PWWP3A: variants seen among roughly 807,000 people sequenced by gnomAD.
PWWP3A encodes PWWP domain-containing DNA repair factor 3A.
PWWP3A carries 53 observed loss-of-function variants against 79.0 expected under a neutral mutation model. The ratio of observed to expected loss-of-function variants is 0.67; its 90% CI spans 0.54 to 0.84. The LOEUF (loss-of-function observed/expected upper bound fraction) is 0.84, where lower values mean the gene tolerates loss of function less well. Ranked by LOEUF, PWWP3A falls within the 40% of genes least tolerant of loss-of-function variation. PWWP3A has a pLI of 0.00. For missense variants in PWWP3A, 973 were observed against 948.0 expected (o/e 1.03, Z -0.35); for synonymous variants, 443 against 394.4 (o/e 1.12, Z -1.46).
rs1238649672 is a variant in PWWP3A at position 1,368,250 on chromosome 19, T to C, written c.1423-1015T>C. Among the ~76,000 whole-genome samples the C allele has an allele frequency of 6.6e-6, 1 of 151,990 alleles. No homozygotes were observed. Among genetic ancestry groups the C allele is most frequent in the Non-Finnish European group, 1.5e-5 (1 of 68,004 alleles). ...AACTGAGTTACTTTCTAAAAATGGA[T>C]GAAGGTGTGGGGTGAGGAGAAGAGC... is the stretch of plus-strand genomic sequence containing the variant. On this transcript the variant is annotated intron_variant, in intron 9 of 13. Transcript: ENST00000591337. The surrounding 1 kb of genome is among the most constrained non-coding windows in gnomAD (Gnocchi z 4.7).
At chr19:1,356,271 G>A (rs1458733995) in intron 1 of PWWP3A, 53 bp from the exon 2 acceptor site, 17 of 955,642 alleles carry the variant, frequency 1.8e-5, no homozygotes, top group Non-Finnish European at 2.5e-5. Flanking sequence ...CTGTGTCTGC[G>A]TTAACATCGC....
chr19:1,365,028 G>A (rs1331792174), intron 7 of PWWP3A, among the ~76,000 whole-genome samples: 1 of 152,218 alleles, frequency 6.6e-6, no homozygotes, highest in Non-Finnish European at 1.5e-5. Context: ...GCTGAGGCAG[G>A]AGAATGGCGT....
At chr19:1,371,473 GA>G in intron 12 of PWWP3A, 1 of 688,458 alleles carries the variant, frequency 1.5e-6, no homozygotes, top group South Asian at 1.5e-5. Context: ...ACTGTAAGTT[GA>G]AAAACTGTAA....
At chr19:1,362,168 C>A in intron 5 of PWWP3A, 82 bp from the exon 6 acceptor site, 2 of 1,164,614 alleles carry the variant, frequency 1.7e-6, no homozygotes, top group South Asian at 2.9e-5. Context: ...CATCGATGGT[C>A]ATGTGTCATG....
intron 13 of PWWP3A, among the ~76,000 whole-genome samples, chr19:1,376,240 C>T (rs1302727319): frequency 6.6e-6 from 1 of 150,436 alleles, no homozygotes; most frequent in Non-Finnish European, 1.5e-5. Flanking sequence ...ATTCTCCTAC[C>T]TCAGCCTCCT....
Position 1,362,070 on chromosome 19 carries a change from T to C in PWWP3A, c.1112-180T>C, listed in dbSNP as rs187251527. ...CTCCTTCCCTCCTTCCCTCTTGCGT[T>C]TTTCTTTAAAATGTAGTTTATTAGA... On this transcript the variant is annotated intron_variant, in intron 5 of 13. Coordinates refer to ENST00000591337, the MANE Select transcript of PWWP3A (RefSeq NM_001369789.1). 41 of 440,404 alleles carry C rather than the reference T, an allele frequency of 9.3e-5. No individual in the cohort carries two copies. The East Asian group carries it at 1.4e-3, about 15-fold the overall frequency. 27.3% of individuals were successfully genotyped at this position (440,404 alleles called of 1,614,324 possible).
rs1207958544 is a variant in PWWP3A, at chr19:1,370,827, A to G, written c.1735A>G (p.Ile579Val). The G allele has an allele frequency of 6.4e-7, 1 of 1,572,742 alleles. No homozygotes were observed. Among genetic ancestry groups the G allele is most frequent in the Non-Finnish European group, 8.6e-7 (1 of 1,159,276 alleles). Reference sequence around the variant, plus strand: ...GGCCAACCAGAAGCTGGTGGAGTACATTGTGAAGGCCAAGGGCGCGGAGAG... The same window carrying G: ...GGCCAACCAGAAGCTGGTGGAGTACGTTGTGAAGGCCAAGGGCGCGGAGAG... The part of the protein sequence containing the change: ...DRANQKLVEY[I>V]VKAKGAESHL... The change falls in exon 12 of 14, where the codon ATT becomes GTT. Residue 579 changes from isoleucine (I) to valine (V), a missense_variant. Ile to Val is a conservative substitution (Grantham distance 29, BLOSUM62 3). Coordinates refer to ENST00000591337, the MANE Select transcript of PWWP3A (RefSeq NM_001369789.1).
Position 1,360,037 on chromosome 19 carries a change from A to C in PWWP3A, c.215-99A>C. 1 of 1,231,964 alleles carries C rather than the reference A, an allele frequency of 8.1e-7. No individual in the cohort carries two copies. The highest frequency in any genetic ancestry group is 1.1e-6 in the Non-Finnish European group (1 of 924,508). The allele number at this position is 1,231,964 out of a possible 1,614,324, so 76.3% of individuals were successfully genotyped here. ...CCTTCAGTGATTTAGGTATGAAACT[A>C]GCCGTCAGAATGAGACAAGCGAGCT... On this transcript the variant is annotated intron_variant, in intron 4 of 13. Transcript: ENST00000591337. This position sits in a 1 kb window ranked among gnomAD's most constrained non-coding sequence, Gnocchi z 4.4.
chr19:1,370,208 C>G (rs536637402), intron 11 of PWWP3A, among the ~76,000 whole-genome samples: 57 of 152,318 alleles, frequency 3.7e-4, no homozygotes, highest in African/African-American at 1.3e-3. Context: ...TGCACTCCAG[C>G]CTGGGTGACA....
Position 1,370,994 on chromosome 19 carries a change from C to T in PWWP3A, c.1902C>T (p.Gly634=), listed in dbSNP as rs202139634. 7.7e-6 allele frequency: 12 copies of T among 1,568,190 alleles called. No homozygotes were observed. Among genetic ancestry groups the T allele is most frequent in the East Asian group, 7.1e-5 (3 of 42,386 alleles). Residue 634 remains glycine (G), a synonymous_variant, in exon 12 of 14, where the codon GGC becomes GGT. Transcript: ENST00000591337. ...ACCTGGTGGTGAAGTACCTGCAGGGCGTCTACCAGGAGGTGGGGGCCAAGG... is the reference window on the plus strand; with the variant it reads ...ACCTGGTGGTGAAGTACCTGCAGGGTGTCTACCAGGAGGTGGGGGCCAAGG... ...QLDLVVKYLQ[G]VYQEVGAKVL...
chr19:1,374,859 A>C (rs1025642540), intron 13 of PWWP3A, among the ~76,000 whole-genome samples: 6 of 152,086 alleles, frequency 3.9e-5, no homozygotes, highest in Non-Finnish European at 8.8e-5. Flanking sequence ...GTGAGCCATC[A>C]TTATGCCACT....
chr19:1,355,995 TA>T (rs2081853298), intron 1 of PWWP3A, among the ~76,000 whole-genome samples: 1 of 152,164 alleles, frequency 6.6e-6, no homozygotes, highest in Non-Finnish European at 1.5e-5. Flanking sequence ...TTTGATTGTG[TA>T]AAATGCCTCT....
In PWWP3A at chr19:1,370,847, G is replaced by A. The variant is rs138545026; in HGVS notation, c.1755G>A (p.Ala585=). Residue 585 remains alanine (A), a synonymous_variant, in exon 12 of 14, where the codon GCG becomes GCA. Transcript: ENST00000591337. The part of the protein sequence containing the change: ...LVEYIVKAKG[A]ESHLRAILKS... ...AGTACATTGTGAAGGCCAAGGGCGC[G>A]GAGAGCCACCTGCGGGCCATCCTAA... The A allele has an allele frequency of 6.4e-6, 10 of 1,568,694 alleles. No individual in the cohort carries two copies. In the African/African-American group the frequency reaches 6.8e-5, roughly 11 times the overall value.
intron 6 of PWWP3A, among the ~76,000 whole-genome samples, chr19:1,363,740 C>G (rs1161406223): frequency 2.0e-5 from 3 of 152,222 alleles, no homozygotes; most frequent in Non-Finnish European, 2.9e-5. Flanking sequence ...CTAAATGCCC[C>G]TCACTGGGGA....
In PWWP3A at chr19:1,356,340, A is replaced by G; in HGVS notation, c.-53A>G. ...TCGTTCCAGGACACATTGGCGTGAG[A>G]CCTGGGAGTACGTTGTGCCAAATCA... On this transcript the variant is annotated 5_prime_UTR_variant, in exon 2 of 14. Transcript: ENST00000591337. 6.3e-7 allele frequency: 1 copy of G among 1,576,896 alleles called. No homozygotes were observed. Among genetic ancestry groups the G allele is most frequent in the East Asian group, 2.2e-5 (1 of 44,736 alleles).
rs1373043054 is a variant in PWWP3A at position 1,369,779 on chromosome 19, A to T, written c.1549+133A>T. 1.9e-6 allele frequency: 2 copies of T among 1,045,688 alleles called. No homozygotes were observed. The highest frequency in any genetic ancestry group is 3.0e-6 in the Non-Finnish European group (2 of 672,578). 64.8% of individuals were successfully genotyped at this position (1,045,688 alleles called of 1,614,324 possible). Reference sequence around the variant, plus strand: ...GTCCGCAGCCACACAGCATTGTTCAACCTCTATGAGGTTTTGATGTGACCC... The same window carrying T: ...GTCCGCAGCCACACAGCATTGTTCATCCTCTATGAGGTTTTGATGTGACCC... On this transcript the variant is annotated intron_variant, in intron 11 of 13. Transcript: ENST00000591337. This position sits in a 1 kb window ranked among gnomAD's most constrained non-coding sequence, Gnocchi z 4.0.
In PWWP3A at chr19:1,360,352, T is replaced by C; in HGVS notation, c.431T>C (p.Leu144Ser). The change falls in exon 5 of 14, where the codon TTG (leucine) becomes TCG (serine). Residue 144 changes from leucine (L) to serine (S), a missense_variant. Physicochemically the swap from Leu to Ser is moderately radical, Grantham distance 145. Transcript: ENST00000591337. The surrounding 1 kb of genome is among the most constrained non-coding windows in gnomAD (Gnocchi z 4.4). Reference sequence around the variant, plus strand: ...TCATCTCTTCCCCGCGGAGACGTGTTGGGCAGTTCCAGACCTCACAGGAGG... The same window carrying C: ...TCATCTCTTCCCCGCGGAGACGTGTCGGGCAGTTCCAGACCTCACAGGAGG... Reference protein sequence around the residue: ...NSSSLPRGDVLGSSRPHRRRP... With the variant: ...NSSSLPRGDVSGSSRPHRRRP... 2 of 1,614,132 alleles carry C rather than the reference T, an allele frequency of 1.2e-6. No individual in the cohort carries two copies. The highest frequency in any genetic ancestry group is 1.7e-6 in the Non-Finnish European group (2 of 1,180,020).
intron 13 of PWWP3A, among the ~76,000 whole-genome samples, chr19:1,375,908 C>G (rs2082381297): frequency 6.8e-6 from 1 of 147,954 alleles, no homozygotes; most frequent in Non-Finnish European, 1.5e-5. Flanking sequence ...TGCCTTGGTT[C>G]AAGCGATTCT....
In PWWP3A at chr19:1,376,615, G is replaced by A. The variant is rs200103983; in HGVS notation, c.*39G>A. On this transcript the variant is annotated 3_prime_UTR_variant, in exon 14 of 14. Coordinates refer to ENST00000591337, the MANE Select transcript of PWWP3A (RefSeq NM_001369789.1). The stretch of plus-strand genomic sequence containing the variant: ...TGTGCTGTCAGCGGGGCCTGGCGGT[G>A]GAAGCGCCTCCAGTGTGCATGAGCG... The A allele has an allele frequency of 1.1e-5, 18 of 1,607,554 alleles. No individual in the cohort carries two copies. In the Admixed American group the frequency reaches 2.7e-4, roughly 24 times the overall value.
Sources: gnomAD v4.1 joint callset for allele counts (sites outside exome capture counted in the v4.1 genomes callset) on GRCh38, gnomAD v4.1.1 for gene constraint, Gnocchi (gnomAD v3.1) non-coding constraint, MANE v1.5 for transcripts, NCBI Gene and HGNC (gene_info 2026-07-23, HGNC 2026-07-21) for gene names.